MIEF1: variants seen among roughly 807,000 people sequenced by gnomAD.
MIEF1 encodes mitochondrial elongation factor 1.
MIEF1 carries 14 observed loss-of-function variants against 35.1 expected under a neutral mutation model. The ratio of observed to expected loss-of-function variants is 0.40; its 90% CI spans 0.26 to 0.62. MIEF1 has a LOEUF of 0.62. MIEF1 is among the 20% of genes least tolerant of loss of function. MIEF1 has a pLI of 0.43. For synonymous variants in MIEF1, 245 were observed against 254.3 expected (o/e 0.96, Z 0.35); for missense variants, 542 against 615.4 (o/e 0.88, Z 1.26).
rs367952485 is a variant in MIEF1, at chr22:39,513,500, A to T, written c.586-17A>T. 3.4e-4 allele frequency: 545 copies of T among 1,610,950 alleles called. 1 individual carries two copies. Among genetic ancestry groups the T allele is most frequent in the Non-Finnish European group, 4.4e-4 (513 of 1,177,826 alleles). ...ACAGAGTAAACCCTCAAAACCCTTTAAATTCTGCCCTGACAGGTGGTGACA... is the reference window on the plus strand; with the variant it reads ...ACAGAGTAAACCCTCAAAACCCTTTTAATTCTGCCCTGACAGGTGGTGACA... On this transcript the variant is annotated splice_polypyrimidine_tract_variant and intron_variant, in intron 5 of 5. Coordinates refer to ENST00000325301, the MANE Select transcript of MIEF1 (RefSeq NM_019008.6).
chr22:39,501,250 G>A (rs564093618), upstream of MIEF1, among the ~76,000 whole-genome samples: 1 of 152,246 alleles, frequency 6.6e-6, no homozygotes, highest in African/African-American at 2.4e-5. Flanking sequence ...ACCACGCTGA[G>A]CTTAAAGGCT....
At chr22:39,507,460 T>C (rs1011937526) in intron 2 of MIEF1, among the ~76,000 whole-genome samples, 1 of 151,888 alleles carries the variant, frequency 6.6e-6, no homozygotes, top group Admixed American at 6.6e-5. Context: ...TTAGCCAGGA[T>C]GGTCTCGATC....
At position 39,515,582 on chromosome 22, in the gene MIEF1, G is replaced by A. The variant is rs1174370690; in HGVS notation, c.*1259G>A. 1 of 523,766 alleles carries A rather than the reference G, an allele frequency of 1.9e-6. No individual in the cohort carries two copies. The highest frequency in any genetic ancestry group is 3.4e-6 in the Non-Finnish European group (1 of 296,332). The allele number at this position is 523,766 out of a possible 1,614,324, so 32.4% of individuals were successfully genotyped here. A position where few individuals can be genotyped will look rare whatever the true frequency, so the allele number is the denominator to read the frequency against. ...AGGAAGAGAGCACACAGATAAGACA[G>A]AGGGGAGGAGGTGGGCATTTCCTAC... On this transcript the variant is annotated 3_prime_UTR_variant, in exon 6 of 6. Transcript: ENST00000325301.
At position 39,504,501 on chromosome 22, in the gene MIEF1, A is replaced by G. The variant is rs1471296980; in HGVS notation, c.-41A>G. 1.0e-5 allele frequency: 4 copies of G among 398,596 alleles called. No individual in the cohort carries two copies. Among genetic ancestry groups the G allele is most frequent in the Admixed American group, 4.4e-5 (1 of 22,708 alleles). The allele number at this position is 398,596 out of a possible 1,614,324, so 24.7% of individuals were successfully genotyped here. A position where few individuals can be genotyped will look rare whatever the true frequency, so the allele number is the denominator to read the frequency against. ...TCTGTAGACACTCCTGCTCTCTTCCATCCCCATCTTACAGATGTATTAAGA... is the reference window on the plus strand; with the variant it reads ...TCTGTAGACACTCCTGCTCTCTTCCGTCCCCATCTTACAGATGTATTAAGA... On this transcript the variant is annotated 5_prime_UTR_variant, in exon 2 of 6. Coordinates refer to ENST00000325301, the MANE Select transcript of MIEF1 (RefSeq NM_019008.6).
At position 39,513,630 on chromosome 22, in the gene MIEF1, G is replaced by A. The variant is rs979884380; in HGVS notation, c.699G>A (p.Val233=). 1 of 1,614,208 alleles carries A rather than the reference G, an allele frequency of 6.2e-7. No individual in the cohort carries two copies. Among genetic ancestry groups the A allele is most frequent in the Non-Finnish European group, 8.5e-7 (1 of 1,180,038 alleles). ...TIMNVPGFFL[V]RRENPEYFPR... ...TGAATGTCCCTGGCTTCTTCCTGGTGCGTCGTGAGAATCCAGAGTACTTTC... is the reference window on the plus strand; with the variant it reads ...TGAATGTCCCTGGCTTCTTCCTGGTACGTCGTGAGAATCCAGAGTACTTTC... Residue 233 remains valine (V), a synonymous_variant, in exon 6 of 6, where the codon GTG becomes GTA. Coordinates refer to ENST00000325301, the MANE Select transcript of MIEF1 (RefSeq NM_019008.6).
chr22:39,504,766 A>C, intron 2 of MIEF1: 4 of 192,946 alleles, frequency 2.1e-5, no homozygotes, highest in East Asian at 1.2e-4. Context: ...GGGTGACAGA[A>C]TGAGACCCTG....
upstream of MIEF1, chr22:39,501,659 A>T (rs1041906100): frequency 6.6e-6 from 1 of 152,250 alleles, no homozygotes; most frequent in African/African-American, 2.4e-5. Context: ...GCCAAGAAAT[A>T]CGTTTTGTTG....
chr22:39,502,300 GT>G lies in MIEF1; in HGVS notation c.-476del, dbSNP rs1325158936. On this transcript the variant is annotated 5_prime_UTR_variant, in exon 1 of 6. Transcript: ENST00000325301. Reference sequence around the variant, plus strand: ...AGTCCCTCCGCCTCCACTCGCCCTCGTGCTCCCTTCAGCCCCTTCGCAGCTC... The same window carrying G: ...AGTCCCTCCGCCTCCACTCGCCCTCGGCTCCCTTCAGCCCCTTCGCAGCTC... 6.6e-6 allele frequency: 1 copy of G among 152,380 alleles called. No homozygotes were observed. Among genetic ancestry groups the G allele is most frequent in the Non-Finnish European group, 1.5e-5 (1 of 68,162 alleles). 9.4% of individuals were successfully genotyped at this position (152,380 alleles called of 1,614,324 possible). A position where few individuals can be genotyped will look rare whatever the true frequency, so the allele number is the denominator to read the frequency against.
chr22:39,515,278 G>A lies in MIEF1; in HGVS notation c.*955G>A. ...CCTTAGACATCAGGTGAGGATGATGGAGGTAGACAGTCGACTGAATGTCAG... is the reference window on the plus strand; with the variant it reads ...CCTTAGACATCAGGTGAGGATGATGAAGGTAGACAGTCGACTGAATGTCAG... On this transcript the variant is annotated 3_prime_UTR_variant, in exon 6 of 6. Coordinates refer to ENST00000325301, the MANE Select transcript of MIEF1 (RefSeq NM_019008.6). 1 of 717,546 alleles carries A rather than the reference G, an allele frequency of 1.4e-6. No individual in the cohort carries two copies. Among genetic ancestry groups the A allele is most frequent in the Non-Finnish European group, 2.6e-6 (1 of 385,104 alleles). 44.4% of individuals were successfully genotyped at this position (717,546 alleles called of 1,614,324 possible).
upstream of MIEF1, among the ~76,000 whole-genome samples, chr22:39,500,776 C>A (rs928103059): frequency 6.6e-6 from 1 of 151,918 alleles, no homozygotes; most frequent in African/African-American, 2.4e-5. Context: ...CTCACTGCAA[C>A]CTCTGCCTCC....
At chr22:39,506,618 A>G (rs1930029589) in intron 2 of MIEF1, among the ~76,000 whole-genome samples, 1 of 152,240 alleles carries the variant, frequency 6.6e-6, no homozygotes, top group African/African-American at 2.4e-5. Flanking sequence ...AGGTTTATAA[A>G]AAGGCCTATG....
chr22:39,514,007 G>T lies in MIEF1; in HGVS notation c.1076G>T (p.Cys359Phe), dbSNP rs1439757573. 1.2e-6 allele frequency: 2 copies of T among 1,613,392 alleles called. No individual in the cohort carries two copies. The highest frequency in any genetic ancestry group is 1.1e-5 in the South Asian group (1 of 91,080). Reference protein sequence around the residue: ...LRALDQADSGCRSLCLKILKA... With the variant: ...LRALDQADSGFRSLCLKILKA... ...GCTCTGGACCAGGCTGACTCGGGCTGCCGATCTCTGTGCCTCAAGATCCTC... is the reference window on the plus strand; with the variant it reads ...GCTCTGGACCAGGCTGACTCGGGCTTCCGATCTCTGTGCCTCAAGATCCTC... The change falls in exon 6 of 6, where the codon TGC (cysteine) becomes TTC (phenylalanine). Residue 359 changes from cysteine to phenylalanine, a missense_variant. Transcript: ENST00000325301.
At chr22:39,510,891 C>G (rs1930295426) in intron 2 of MIEF1, among the ~76,000 whole-genome samples, 1 of 151,376 alleles carries the variant, frequency 6.6e-6, no homozygotes, top group African/African-American at 2.4e-5. Flanking sequence ...GCATTATAAC[C>G]CCTGTGAAGG....
chr22:39,508,705 C>T (rs879417291), intron 2 of MIEF1, among the ~76,000 whole-genome samples: 3 of 152,124 alleles, frequency 2.0e-5, no homozygotes, highest in Non-Finnish European at 4.4e-5. Context: ...GGAATGTACT[C>T]GGTTTGGCGA....
Position 39,515,479 on chromosome 22 carries a change from A to G in MIEF1, c.*1156A>G, listed in dbSNP as rs1930612270. 1 of 645,530 alleles carries G rather than the reference A, an allele frequency of 1.5e-6. No homozygotes were observed. The highest frequency in any genetic ancestry group is 1.8e-5 in the South Asian group (1 of 55,240). 40.0% of individuals were successfully genotyped at this position (645,530 alleles called of 1,614,324 possible). On this transcript the variant is annotated 3_prime_UTR_variant, in exon 6 of 6. Transcript: ENST00000325301. ...TTTGCTGAGCGCTCCGGGCACGGCC[A>G]GAGGGCAAGTGAGCATGCACGGACC...
In MIEF1 at chr22:39,515,759, G is replaced by C. The variant is rs1930633580; in HGVS notation, c.*1436G>C. 1 of 181,030 alleles carries C rather than the reference G, an allele frequency of 5.5e-6. No homozygotes were observed. The highest frequency in any genetic ancestry group is 2.4e-5 in the African/African-American group (1 of 42,388). 11.2% of individuals were successfully genotyped at this position (181,030 alleles called of 1,614,324 possible). On this transcript the variant is annotated 3_prime_UTR_variant, in exon 6 of 6. Transcript: ENST00000325301. Reference sequence around the variant, plus strand: ...GTAGCAAGACTCTGATGATAATTCTGTTTCTCATCTGCCCATTCAGTATTT... The same window carrying C: ...GTAGCAAGACTCTGATGATAATTCTCTTTCTCATCTGCCCATTCAGTATTT...
At position 39,516,974 on chromosome 22, in the gene MIEF1, G is replaced by T. The variant is rs1307998115; in HGVS notation, c.*2651G>T. 6.6e-6 allele frequency: 1 copy of T among 152,286 alleles called. No individual in the cohort carries two copies. Among genetic ancestry groups the T allele is most frequent in the East Asian group, 1.9e-4 (1 of 5,204 alleles). 9.4% of individuals were successfully genotyped at this position (152,286 alleles called of 1,614,324 possible). On this transcript the variant is annotated 3_prime_UTR_variant, in exon 6 of 6. Transcript: ENST00000325301. ...CATGACTGGGCAAGCCGTTCTTTTT[G>T]CTGCCATCTTCCTCATCATAAAGTG...
Position 39,514,526 on chromosome 22 carries a change from C to T in MIEF1, c.*203C>T, listed in dbSNP as rs867412409. ...AACTCTTCCTATTTTTGTTACCAAT[C>T]ACTGTGCTCTCTGCCGCCCCCTGGC... On this transcript the variant is annotated 3_prime_UTR_variant, in exon 6 of 6. Coordinates refer to ENST00000325301, the MANE Select transcript of MIEF1 (RefSeq NM_019008.6). The T allele has an allele frequency of 9.9e-6, 6 of 608,180 alleles. No homozygotes were observed. Among genetic ancestry groups the T allele is most frequent in the Non-Finnish European group, 1.7e-5 (6 of 349,864 alleles). The allele number at this position is 608,180 out of a possible 1,614,324, so 37.7% of individuals were successfully genotyped here. A position where few individuals can be genotyped will look rare whatever the true frequency, so the allele number is the denominator to read the frequency against.
rs1322848049 is a variant in MIEF1, at chr22:39,517,820, C to T, written c.*3497C>T. On this transcript the variant is annotated 3_prime_UTR_variant, in exon 6 of 6. Transcript: ENST00000325301. ...GAGAGGTGGGTTCCATGGTCAAATG[C>T]ACAGTAGGTGTTTACCTTTACATTT... 5 of 314,910 alleles carry T rather than the reference C, an allele frequency of 1.6e-5. No homozygotes were observed. Among genetic ancestry groups the T allele is most frequent in the African/African-American group, 2.2e-5 (1 of 45,342 alleles). The allele number at this position is 314,910 out of a possible 1,614,324, so 19.5% of individuals were successfully genotyped here.
Sources: gnomAD v4.1 joint callset for allele counts (sites outside exome capture counted in the v4.1 genomes callset) on GRCh38, gnomAD v4.1.1 for gene constraint, MANE v1.5 for transcripts, NCBI Gene and HGNC (gene_info 2026-07-23, HGNC 2026-07-21) for gene names.